Variants in HIBADH observed in about 807,000 individuals in gnomAD.
HIBADH encodes 3-hydroxyisobutyrate dehydrogenase.
In HIBADH, 25 loss-of-function variants were observed where a neutral mutation model predicts 36.1. The ratio of observed to expected loss-of-function variants is 0.69; its 90% CI spans 0.50 to 0.97. The LOEUF (loss-of-function observed/expected upper bound fraction) is 0.97. Among genes scored for constraint, HIBADH ranks in the 50% least tolerant of loss-of-function variants. The pLI is 0.00. For missense variants in HIBADH, 421 were observed against 418.0 expected (o/e 1.01, Z -0.06); for synonymous variants, 160 against 149.5 (o/e 1.07, Z -0.51).
chr7:27,610,823 G>A (rs1785309296), intron 4 of HIBADH, among the ~76,000 whole-genome samples: 1 of 152,090 alleles, frequency 6.6e-6, no homozygotes, highest in African/African-American at 2.4e-5. Flanking sequence ...ATAGTGTTAG[G>A]TGCCAAAATA....
intron 4 of HIBADH, among the ~76,000 whole-genome samples, chr7:27,564,447 T>C (rs1209470631): frequency 6.6e-6 from 1 of 152,200 alleles, no homozygotes; most frequent in East Asian, 1.9e-4. Flanking sequence ...TCTCCCTGAA[T>C]TGCCTTTGCA....
intron 2 of HIBADH, among the ~76,000 whole-genome samples, chr7:27,634,488 GA>G (rs905743155): frequency 6.6e-6 from 1 of 151,136 alleles, no homozygotes; most frequent in Admixed American, 6.6e-5. Flanking sequence ...AGTGAAATAA[GA>G]AAAAAAAAGT....
intron 2 of HIBADH, among the ~76,000 whole-genome samples, chr7:27,641,484 C>A (rs1253252807): frequency 5.9e-5 from 9 of 152,172 alleles, no homozygotes; most frequent in Admixed American, 5.9e-4. Flanking sequence ...CCCTTCAGGG[C>A]ACTATTGTGG....
chr7:27,636,712 G>A (rs1406221578), intron 2 of HIBADH, among the ~76,000 whole-genome samples: 4 of 152,220 alleles, frequency 2.6e-5, no homozygotes, highest in Non-Finnish European at 5.9e-5. Flanking sequence ...TTTTGGCATA[G>A]ATCAGCAGCA....
intron 4 of HIBADH, among the ~76,000 whole-genome samples, chr7:27,624,394 G>A (rs1051674813): frequency 5.3e-5 from 8 of 152,278 alleles, no homozygotes; most frequent in Non-Finnish European, 8.8e-5. Flanking sequence ...TATAACACTT[G>A]TACTAAATAA....
intron 2 of HIBADH, among the ~76,000 whole-genome samples, chr7:27,644,732 T>A (rs1335994731): frequency 6.6e-6 from 1 of 150,760 alleles, no homozygotes; most frequent in Non-Finnish European, 1.5e-5. Flanking sequence ...ACCACTGCAC[T>A]CCAGCCTGGT....
At position 27,629,413 on chromosome 7, in the gene HIBADH, C is replaced by T. The variant is rs1449083893; in HGVS notation, c.442G>A (p.Glu148Lys). The change falls in exon 4 of 8, where the codon GAG (glutamate) becomes AAG (lysine). Residue 148 changes from glutamate (E) to lysine (K), a missense_variant. Coordinates refer to ENST00000265395, the MANE Select transcript of HIBADH (RefSeq NM_152740.4). ...TCCATGAAAACTGCTCCCATTTTCT[C>T]AACTTCTTTGGCCAATTCTTTTGAA... is the stretch of plus-strand genomic sequence containing the variant. ...AVSKELAKEV[E>K]KMGAVFMDAP... is the part of the protein sequence containing the mutation. 2 of 1,612,062 alleles carry T rather than the reference C, an allele frequency of 1.2e-6. No individual in the cohort carries two copies. Among genetic ancestry groups the T allele is most frequent in the Non-Finnish European group, 1.7e-6 (2 of 1,178,978 alleles).
intron 4 of HIBADH, among the ~76,000 whole-genome samples, chr7:27,594,144 G>GTTGTT (rs1554297929): frequency 3.6e-5 from 2 of 55,454 alleles, no homozygotes; most frequent in Non-Finnish European, 3.1e-5. Context: ...AGATGTTTTT[G>GTTGTT]TTTTTTTGTT....
intron 4 of HIBADH, among the ~76,000 whole-genome samples, chr7:27,624,613 C>G (rs1371045595): frequency 6.6e-6 from 1 of 152,188 alleles, no homozygotes; most frequent in East Asian, 1.9e-4. Flanking sequence ...CCTAAGGTCA[C>G]TAATTCTTCC....
intron 1 of HIBADH, among the ~76,000 whole-genome samples, chr7:27,659,068 T>C (rs2128298245): frequency 6.6e-6 from 1 of 152,362 alleles, no homozygotes; most frequent in South Asian, 2.1e-4. Context: ...TCCAATGAGT[T>C]ATGCTACTTT....
At chr7:27,607,357 A>G (rs1785246744) in intron 4 of HIBADH, among the ~76,000 whole-genome samples, 1 of 152,136 alleles carries the variant, frequency 6.6e-6, no homozygotes, top group Non-Finnish European at 1.5e-5. Context: ...AAAATATAAA[A>G]AATTAGCCGG....
intron 4 of HIBADH, among the ~76,000 whole-genome samples, chr7:27,595,347 G>A (rs1208253809): frequency 1.3e-5 from 2 of 151,874 alleles, no homozygotes; most frequent in African/African-American, 2.4e-5. Context: ...CAAAACCCCC[G>A]TCTCTATGAA....
chr7:27,535,030 G>A (rs1784053225), intron 6 of HIBADH, among the ~76,000 whole-genome samples: 1 of 147,142 alleles, frequency 6.8e-6, no homozygotes, highest in Non-Finnish European at 1.5e-5. Context: ...TTAAGTAGGT[G>A]GTAAACTTAA....
At chr7:27,572,762 A>C (rs966948021) in intron 4 of HIBADH, among the ~76,000 whole-genome samples, 8 of 152,116 alleles carry the variant, frequency 5.3e-5, no homozygotes, top group Admixed American at 5.2e-4. Context: ...CAAGGAACCC[A>C]CTCTCAGCTC....
intron 4 of HIBADH, among the ~76,000 whole-genome samples, chr7:27,599,968 G>A (rs1177766149): frequency 6.6e-6 from 1 of 151,976 alleles, no homozygotes; most frequent in Non-Finnish European, 1.5e-5. Flanking sequence ...CAAAGTTTAA[G>A]TTACTATGGG....
At chr7:27,643,653 T>C (rs1786001813) in intron 2 of HIBADH, among the ~76,000 whole-genome samples, 1 of 152,234 alleles carries the variant, frequency 6.6e-6, no homozygotes, top group East Asian at 1.9e-4. Flanking sequence ...CCACAGCTGC[T>C]GCAACAAGTT....
chr7:27,614,417 C>T (rs942469142), intron 4 of HIBADH, among the ~76,000 whole-genome samples: 2 of 151,978 alleles, frequency 1.3e-5, no homozygotes, highest in Non-Finnish European at 2.9e-5. Flanking sequence ...GATGAATAAC[C>T]GCAAGAAGGC....
At chr7:27,564,017 G>C (rs6976178) in intron 4 of HIBADH, among the ~76,000 whole-genome samples, 114,707 of 151,086 alleles carry the variant, frequency 0.76, 43,960 homozygotes, top group East Asian at 0.94. Flanking sequence ...TCCTGCCTCA[G>C]CCTCCCAAGT....
At chr7:27,532,081 G>A (rs2128183023) in intron 6 of HIBADH, among the ~76,000 whole-genome samples, 1 of 152,236 alleles carries the variant, frequency 6.6e-6, no homozygotes, top group East Asian at 1.9e-4. Context: ...GCTTGCCCAA[G>A]CAGAAACATC....
Sources: gnomAD v4.1 joint callset for allele counts (sites outside exome capture counted in the v4.1 genomes callset) on GRCh38, gnomAD v4.1.1 for gene constraint, MANE v1.5 for transcripts, NCBI Gene and HGNC (gene_info 2026-07-23, HGNC 2026-07-21) for gene names.